The following GPC5 variants were observed in gnomAD, a reference collection of about 807,000 sequenced individuals.
GPC5 encodes the protein glypican-5.
In GPC5, 47 loss-of-function variants were observed where a neutral mutation model predicts 53.9. The ratio of observed to expected loss-of-function variants is 0.87; its 90% confidence interval spans 0.69 to 1.11. The LOEUF is 1.11. GPC5 is among the 50% of genes most tolerant of loss of function. The pLI is 0.00. For synonymous variants in GPC5, 286 were observed against 263.3 expected (o/e 1.09, Z -0.84); for missense variants, 748 against 713.1 (o/e 1.05, Z -0.56).
intron 3 of GPC5, among the ~76,000 whole-genome samples, chr13:91,697,221 C>T (rs1019805545): frequency 2.6e-5 from 4 of 152,288 alleles, no homozygotes; most frequent in African/African-American, 7.2e-5. Context: ...CGGCTCACTG[C>T]AACCTCTACC....
At chr13:91,424,434 G>A (rs1009337842) in intron 1 of GPC5, among the ~76,000 whole-genome samples, 3 of 146,310 alleles carry the variant, frequency 2.1e-5, no homozygotes, top group African/African-American at 5.1e-5. Flanking sequence ...GCGCGATCTC[G>A]GCTCACTGAA....
At chr13:91,493,653 T>A (rs1884064701) in intron 2 of GPC5, among the ~76,000 whole-genome samples, 1 of 152,124 alleles carries the variant, frequency 6.6e-6, no homozygotes, top group Non-Finnish European at 1.5e-5. Context: ...CGAGGCTGCC[T>A]GAAATTGTGC....
intron 7 of GPC5, among the ~76,000 whole-genome samples, chr13:92,498,065 A>G (rs940645797): frequency 1.3e-5 from 2 of 151,974 alleles, no homozygotes; most frequent in Non-Finnish European, 2.9e-5. Context: ...CTCTCTTCCT[A>G]TTTGAATACT....
intron 2 of GPC5, among the ~76,000 whole-genome samples, chr13:91,623,586 T>G (rs2033922506): frequency 6.6e-6 from 1 of 152,032 alleles, no homozygotes; most frequent in African/African-American, 2.4e-5. Context: ...TTGGGTGAAG[T>G]TTCATAGGTT....
intron 5 of GPC5, among the ~76,000 whole-genome samples, chr13:91,779,939 T>C (rs1374303166): frequency 6.6e-6 from 1 of 152,216 alleles, no homozygotes; most frequent in Non-Finnish European, 1.5e-5. Context: ...AGGTTAAATG[T>C]ATAGTTTAGT....
intron 6 of GPC5, among the ~76,000 whole-genome samples, chr13:91,961,124 AG>A (rs1171688844): frequency 6.6e-6 from 1 of 152,032 alleles, no homozygotes; most frequent in Non-Finnish European, 1.5e-5. Context: ...TGAAATGAAA[AG>A]AAAATATTTG....
intron 6 of GPC5, among the ~76,000 whole-genome samples, chr13:92,052,829 C>T (rs1351661047): frequency 6.6e-6 from 1 of 151,962 alleles, no homozygotes; most frequent in Admixed American, 6.6e-5. Flanking sequence ...CAAAGGACAC[C>T]CCAAAGGGAC....
chr13:91,511,437 C>CT (rs542977385), intron 2 of GPC5, among the ~76,000 whole-genome samples: 3 of 151,864 alleles, frequency 2.0e-5, no homozygotes, highest in South Asian at 2.1e-4. Flanking sequence ...AATTCTCATT[C>CT]TTTTTTTTCT....
At chr13:92,401,563 G>T (rs1875561943) in intron 7 of GPC5, among the ~76,000 whole-genome samples, 1 of 152,090 alleles carries the variant, frequency 6.6e-6, no homozygotes, top group East Asian at 1.9e-4. Context: ...TTTCACAGAG[G>T]TTATTTTGGT....
At chr13:92,517,664 C>A (rs573803738) in intron 7 of GPC5, among the ~76,000 whole-genome samples, 40 of 152,206 alleles carry the variant, frequency 2.6e-4, no homozygotes, top group African/African-American at 9.1e-4. Flanking sequence ...GACATCCACA[C>A]CAAAACCCCA....
At chr13:92,637,574 G>A (rs918850482) in intron 7 of GPC5, among the ~76,000 whole-genome samples, 3 of 152,138 alleles carry the variant, frequency 2.0e-5, no homozygotes, top group Non-Finnish European at 4.4e-5. Flanking sequence ...ATTCTCCCTA[G>A]ACTAAAAGGT....
chr13:92,314,422 G>T (rs2043165139), intron 7 of GPC5, among the ~76,000 whole-genome samples: 1 of 152,144 alleles, frequency 6.6e-6, no homozygotes, highest in Non-Finnish European at 1.5e-5. Flanking sequence ...TGAGAGAAAC[G>T]GTGTTAAATG....
At chr13:91,750,891 A>G (rs2037161044) in intron 4 of GPC5, among the ~76,000 whole-genome samples, 2 of 151,800 alleles carry the variant, frequency 1.3e-5, no homozygotes, top group South Asian at 4.2e-4. Context: ...CAAACTCCTG[A>G]CCTCAGGTGA....
chr13:91,973,338 C>T (rs1044134457), intron 6 of GPC5, among the ~76,000 whole-genome samples: 12 of 152,208 alleles, frequency 7.9e-5, no homozygotes. Flanking sequence ...AAGGACTTCT[C>T]TGCATTAGTT....
At chr13:92,542,691 G>T (rs1205398947) in intron 7 of GPC5, among the ~76,000 whole-genome samples, 1 of 151,818 alleles carries the variant, frequency 6.6e-6, no homozygotes, top group Non-Finnish European at 1.5e-5. Flanking sequence ...ATTAATAATC[G>T]CAATTTTTGC....
At chr13:91,905,471 A>T (rs1482122545) in intron 5 of GPC5, among the ~76,000 whole-genome samples, 1 of 152,100 alleles carries the variant, frequency 6.6e-6, no homozygotes, top group African/African-American at 2.4e-5. Context: ...AGTGGGTCCA[A>T]GGTTATATTT....
At chr13:92,516,750 T>C (rs1880799379) in intron 7 of GPC5, among the ~76,000 whole-genome samples, 1 of 152,172 alleles carries the variant, frequency 6.6e-6, no homozygotes, top group African/African-American at 2.4e-5. Flanking sequence ...GCTCCCAGCA[T>C]GAGCGATGCA....
At chr13:92,139,464 G>T (rs1430093656) in intron 6 of GPC5, among the ~76,000 whole-genome samples, 1 of 151,936 alleles carries the variant, frequency 6.6e-6, no homozygotes. Context: ...TCAGGAGATC[G>T]AGACCATCCT....
In GPC5 at chr13:91,560,666, C is replaced by T. The variant is rs117630676; in HGVS notation, c.325+111744C>T. On this transcript the variant is annotated intron_variant, in intron 2 of 7. Coordinates refer to ENST00000377067, the MANE Select transcript of GPC5 (RefSeq NM_004466.6). Reference sequence around the variant, plus strand: ...GTACACAAAGGTCTTGCAGCACCCTCGTTGTAAACATTCCCACAAAGAAGA... The same window carrying T: ...GTACACAAAGGTCTTGCAGCACCCTTGTTGTAAACATTCCCACAAAGAAGA... Among the ~76,000 whole-genome samples the T allele has an allele frequency of 7.9e-5, 12 of 152,202 alleles. No homozygotes were observed. In the East Asian group the frequency reaches 1.9e-3, roughly 25 times the overall value.
Sources: gnomAD v4.1 joint callset for allele counts (sites outside exome capture counted in the v4.1 genomes callset) on GRCh38, gnomAD v4.1.1 for gene constraint, MANE v1.5 for transcripts, NCBI Gene and HGNC (gene_info 2026-07-23, HGNC 2026-07-21) for gene names.